Variants in NOCT observed in about 807,000 individuals in gnomAD.
NOCT encodes the protein nocturnin.
Under a neutral mutation model 35.0 loss-of-function variants are expected in NOCT, and 18 were observed. The observed-to-expected ratio is 0.51, with a 90% CI of 0.36 to 0.76. NOCT has a LOEUF of 0.76. Among genes scored for constraint, NOCT ranks in the 30% least tolerant of loss-of-function variants. The pLI, the probability that NOCT is intolerant of heterozygous loss-of-function variation, is 0.01. For synonymous variants in NOCT, 235 were observed against 226.3 expected, an observed-to-expected ratio of 1.04 and a Z score of -0.34; for missense variants, 479 against 541.0, an observed-to-expected ratio of 0.89 and a Z score of 1.14.
intron 1 of NOCT, among the ~76,000 whole-genome samples, chr4:139,017,547 T>C (rs1477970605): frequency 1.4e-5 from 2 of 141,240 alleles, no homozygotes; most frequent in Admixed American, 1.4e-4. Context: ...TTTAAAAAAA[T>C]AGGCCGGGCG....
intron 1 of NOCT, among the ~76,000 whole-genome samples, chr4:139,038,657 T>C (rs1478280365): frequency 1.3e-5 from 2 of 152,206 alleles, no homozygotes; most frequent in Admixed American, 6.5e-5. Flanking sequence ...TAATTACTAA[T>C]TATGATTGCT....
intron 1 of NOCT, among the ~76,000 whole-genome samples, chr4:139,024,249 C>T (rs542920866): frequency 6.1e-4 from 92 of 151,860 alleles, no homozygotes; most frequent in Admixed American, 1.4e-3. Flanking sequence ...TGTAGAGACA[C>T]GGGTCTCAGC....
chr4:139,021,221 C>G (rs1003245673), intron 1 of NOCT, among the ~76,000 whole-genome samples: 1 of 151,862 alleles, frequency 6.6e-6, no homozygotes, highest in African/African-American at 2.4e-5. Context: ...AGGCTGGTCT[C>G]GAAATCCTGG....
At chr4:139,037,854 C>T (rs1202174016) in intron 1 of NOCT, among the ~76,000 whole-genome samples, 1 of 151,472 alleles carries the variant, frequency 6.6e-6, no homozygotes, top group Non-Finnish European at 1.5e-5. Context: ...TACCACTGCA[C>T]TCCAGCCTGG....
rs902932569 is a variant in NOCT at position 139,044,919 on chromosome 4, A to G, written c.741A>G (p.Leu247=). 3 of 1,614,120 alleles carry G rather than the reference A, an allele frequency of 1.9e-6. No individual in the cohort carries two copies. In the African/African-American group the frequency reaches 4.0e-5, roughly 22 times the overall value. The part of the protein sequence containing the change: ...ALFFLQNRFK[L]VNSANIRLTA... ...TTTTTCTTCAAAACCGATTCAAGCT[A>G]GTCAACAGTGCCAATATTAGGCTGA... Residue 247 remains leucine (L), a synonymous_variant, in exon 3 of 3, where the codon CTA becomes CTG. Coordinates refer to ENST00000280614, the MANE Select transcript of NOCT (RefSeq NM_012118.4).
intron 1 of NOCT, among the ~76,000 whole-genome samples, chr4:139,035,010 CTT>C (rs1162433364): frequency 6.6e-6 from 1 of 152,234 alleles, no homozygotes; most frequent in East Asian, 1.9e-4. Flanking sequence ...TTGTAACTCT[CTT>C]CTGAATGTCA....
chr4:139,018,296 T>C (rs7683983), intron 1 of NOCT, among the ~76,000 whole-genome samples: 26,367 of 152,210 alleles, frequency 0.17, 2,810 homozygotes, highest in Middle Eastern at 0.34. Flanking sequence ...GCAGGGTTAG[T>C]AGGTACCTCC....
rs776703182 is a variant in NOCT at position 139,043,182 on chromosome 4, A to G, written c.299A>G (p.Glu100Gly). Residue 100 changes from glutamate to glycine, a missense_variant, in exon 2 of 3, where the codon GAG becomes GGG. Physicochemically the swap from Glu to Gly is moderately conservative, Grantham distance 98. Around this residue, in one of 2 missense-constraint regions of NOCT, gnomAD observed 265 missense variants for 257.0 expected, o/e 1.03. Coordinates refer to ENST00000280614, the MANE Select transcript of NOCT (RefSeq NM_012118.4). The stretch of plus-strand genomic sequence containing the variant: ...GAGTATTTGGTGTCACCTGACCCAG[A>G]GCATCTGGAGCCCATTGATCCTAAA... ...HPEYLVSPDP[E>G]HLEPIDPKEL... The G allele has an allele frequency of 8.7e-6, 14 of 1,614,148 alleles. No homozygotes were observed. Among genetic ancestry groups the G allele is most frequent in the Non-Finnish European group, 1.2e-5 (14 of 1,180,016 alleles).
intron 1 of NOCT, among the ~76,000 whole-genome samples, chr4:139,026,901 A>G (rs147979962): frequency 0.35 from 2,011 of 5,718 alleles, 664 homozygotes; most frequent in Middle Eastern, 1. Context: ...TTTGAGACGG[A>G]GTCTCGCTCT....
At chr4:139,044,108 G>A (rs1726891718) in intron 2 of NOCT, among the ~76,000 whole-genome samples, 1 of 146,222 alleles carries the variant, frequency 6.8e-6, no homozygotes, top group Non-Finnish European at 1.5e-5. Flanking sequence ...AAGCAGTTGA[G>A]ATTTTAAGAA....
intron 1 of NOCT, among the ~76,000 whole-genome samples, chr4:139,019,346 G>A (rs765269631): frequency 4.6e-5 from 7 of 152,170 alleles, no homozygotes; most frequent in Admixed American, 6.6e-5. Context: ...GAGCCACTGC[G>A]CCCAGCCTAT....
At chr4:139,038,146 G>A (rs545263571) in intron 1 of NOCT, among the ~76,000 whole-genome samples, 250 of 152,174 alleles carry the variant, frequency 1.6e-3, no homozygotes, top group African/African-American at 5.8e-3. Flanking sequence ...GTTGCAGTGA[G>A]CCGAGATCAC....
chr4:139,026,753 T>C (rs1726525011), intron 1 of NOCT, among the ~76,000 whole-genome samples: 1 of 151,912 alleles, frequency 6.6e-6, no homozygotes, highest in Admixed American at 6.6e-5. Flanking sequence ...GTTTTTGCCA[T>C]GTTGGCCAGG....
At chr4:139,037,732 A>G (rs546876122) in intron 1 of NOCT, among the ~76,000 whole-genome samples, 30 of 152,252 alleles carry the variant, frequency 2.0e-4, no homozygotes, top group African/African-American at 7.0e-4. Flanking sequence ...AAGAGAAGTA[A>G]GCAGATCTTG....
At chr4:139,032,055 G>A (rs1455597474) in intron 1 of NOCT, among the ~76,000 whole-genome samples, 1 of 152,130 alleles carries the variant, frequency 6.6e-6, no homozygotes, top group Non-Finnish European at 1.5e-5. Flanking sequence ...TTGCCAAATG[G>A]GAGTTTACAT....
At chr4:139,033,079 G>A (rs1578629776) in intron 1 of NOCT, among the ~76,000 whole-genome samples, 1 of 151,674 alleles carries the variant, frequency 6.6e-6, no homozygotes, top group Non-Finnish European at 1.5e-5. Context: ...AAAAAAGTAA[G>A]TGTGGCCAAG....
Position 139,016,054 on chromosome 4 carries a change from G to GC in NOCT, c.77dup (p.Gly27ArgfsTer50). 7.2e-7 allele frequency: 1 copy of GC among 1,382,982 alleles called. No individual in the cohort carries two copies. Among genetic ancestry groups the GC allele is most frequent in the Non-Finnish European group, 9.4e-7 (1 of 1,067,230 alleles). The allele number at this position is 1,382,982 out of a possible 1,614,324, so 85.7% of individuals were successfully genotyped here. On this transcript the variant is annotated frameshift_variant, in exon 1 of 3. Coordinates refer to ENST00000280614, the MANE Select transcript of NOCT (RefSeq NM_012118.4). LOFTEE classifies it high-confidence loss of function. ...CGCGCCCGGCCTGCGCCGCCTGCCCGCCCCAGGGCTGCGCCGCCCGTTGTC... is the reference window on the plus strand; with the variant it reads ...CGCGCCCGGCCTGCGCCGCCTGCCCGCCCCCAGGGCTGCGCCGCCCGTTGTC...
intron 1 of NOCT, among the ~76,000 whole-genome samples, chr4:139,041,635 T>C (rs1726833904): frequency 6.6e-6 from 1 of 152,212 alleles, no homozygotes; most frequent in Admixed American, 6.5e-5. Flanking sequence ...AAAAATTAAC[T>C]CGGGAAGACA....
intron 1 of NOCT, among the ~76,000 whole-genome samples, chr4:139,033,686 A>G (rs1726667052): frequency 6.6e-6 from 1 of 152,088 alleles, no homozygotes; most frequent in African/African-American, 2.4e-5. Flanking sequence ...TCCAAAAAAA[A>G]AAAAGGGGGA....
Sources: gnomAD v4.1 joint callset for allele counts (sites outside exome capture counted in the v4.1 genomes callset) on GRCh38, gnomAD v4.1.1 for gene constraint, gnomAD v4.1.1 regional missense constraint, MANE v1.5 for transcripts, NCBI Gene and HGNC (gene_info 2026-07-23, HGNC 2026-07-21) for gene names.